Variants in ASXL3 observed in about 807,000 individuals in gnomAD.
The protein encoded by ASXL3 is ASXL transcriptional regulator 3.
In ASXL3, 34 loss-of-function variants were observed where a neutral mutation model predicts 170.6. The ratio of observed to expected loss-of-function variants is 0.20; its 90% CI spans 0.15 to 0.27. The LOEUF is 0.27. ASXL3 is among the 10% of genes least tolerant of loss of function. ASXL3 has a pLI of 1.00. For missense variants in ASXL3, 2,592 were observed against 2,695.3 expected, an observed-to-expected ratio of 0.96 and a Z score of 0.85; for synonymous variants, 1,002 against 989.1, an observed-to-expected ratio of 1.01 and a Z score of -0.24.
intron 8 of ASXL3, among the ~76,000 whole-genome samples, chr18:33,694,385 G>A (rs2066738543): frequency 6.6e-6 from 1 of 152,214 alleles, no homozygotes; most frequent in Admixed American, 6.5e-5. Context: ...GCAGCTGGTG[G>A]AATAAATGTC....
intron 8 of ASXL3, among the ~76,000 whole-genome samples, chr18:33,695,330 A>G (rs914808533): frequency 2.6e-5 from 4 of 152,124 alleles, no homozygotes; most frequent in African/African-American, 4.8e-5. Flanking sequence ...TAGAAGATCC[A>G]TTATTTCTTC....
At chr18:33,708,828 G>A (rs149123048) in intron 8 of ASXL3, among the ~76,000 whole-genome samples, 1 of 152,176 alleles carries the variant, frequency 6.6e-6, no homozygotes, top group African/African-American at 2.4e-5. Context: ...TTTTCATGTG[G>A]TTATATATAA....
chr18:33,605,430 T>G (rs540278313), intron 1 of ASXL3: 1 of 152,182 alleles, frequency 6.6e-6, no homozygotes, highest in Non-Finnish European at 1.5e-5. Flanking sequence ...TTCTCTGTCT[T>G]GCAGGAATTG....
chr18:33,695,207 A>T (rs2066753323), intron 8 of ASXL3, among the ~76,000 whole-genome samples: 1 of 152,176 alleles, frequency 6.6e-6, no homozygotes, highest in African/African-American at 2.4e-5. Context: ...TATGAAAAAT[A>T]CTAGTATCTT....
chr18:33,712,789 G>C (rs2067089922), intron 8 of ASXL3, among the ~76,000 whole-genome samples: 1 of 152,196 alleles, frequency 6.6e-6, no homozygotes, highest in Non-Finnish European at 1.5e-5. Context: ...CTATGTTGCT[G>C]TAAGAAAGAG....
At position 33,744,458 on chromosome 18, in the gene ASXL3, CCACTTT is replaced by C. The variant is rs2067731309; in HGVS notation, c.4613_4618del (p.Thr1538_Phe1539del). The C allele has an allele frequency of 6.2e-7, 1 of 1,613,406 alleles. No individual in the cohort carries two copies. The highest frequency in any genetic ancestry group is 1.3e-5 in the African/African-American group (1 of 74,936). On this transcript the variant is annotated inframe_deletion, in exon 12 of 12. Coordinates refer to ENST00000269197, the MANE Select transcript of ASXL3 (RefSeq NM_030632.3). ...GCCAACGAAGGTATAGATCACAGTT[CCACTTT>C]CATTGCTGCTTCGGCAGCAAAACAA...
At position 33,668,424 on chromosome 18, in the gene ASXL3, T is replaced by C. The variant is rs1178885897; in HGVS notation, c.478-2249T>C. Reference sequence around the variant, plus strand: ...GCCTGGGCATCAGAGCGAGACTCCATCTCAAAAAAAAAAAAAAAATAGGAA... The same window carrying C: ...GCCTGGGCATCAGAGCGAGACTCCACCTCAAAAAAAAAAAAAAAATAGGAA... On this transcript the variant is annotated intron_variant, in intron 5 of 11. Transcript: ENST00000269197. 2.9e-5 allele frequency among the ~76,000 whole-genome samples: 3 copies of C among 104,374 alleles called. No individual in the cohort carries two copies. The South Asian group carries it at 9.9e-4, about 35-fold the overall frequency. The allele number at this position is 104,374 out of a possible 152,430, so 68.5% of individuals were successfully genotyped here. A position where few individuals can be genotyped will look rare whatever the true frequency, so the allele number is the denominator to read the frequency against.
At chr18:33,606,380 A>G (rs1190007671) in intron 1 of ASXL3, among the ~76,000 whole-genome samples, 2 of 152,044 alleles carry the variant, frequency 1.3e-5, no homozygotes, top group African/African-American at 4.8e-5. Context: ...AAAAGGAGGA[A>G]ATTTCCTGGG....
chr18:33,733,026 T>C (rs570529467), intron 9 of ASXL3, among the ~76,000 whole-genome samples: 5 of 152,326 alleles, frequency 3.3e-5, no homozygotes, highest in Non-Finnish European at 7.3e-5. Context: ...TTTCTTGGGC[T>C]ACGTTTCTGC....
chr18:33,697,552 T>A (rs1436745428), intron 8 of ASXL3, among the ~76,000 whole-genome samples: 1 of 152,100 alleles, frequency 6.6e-6, no homozygotes, highest in Non-Finnish European at 1.5e-5. Context: ...CAGTTTATAG[T>A]GAAGTCTTCC....
At chr18:33,691,427 C>T (rs1248611908) in intron 8 of ASXL3, among the ~76,000 whole-genome samples, 2 of 152,198 alleles carry the variant, frequency 1.3e-5, no homozygotes, top group African/African-American at 4.8e-5. Context: ...GCTGTTGTGG[C>T]TGCTAAGACT....
chr18:33,671,635 G>A, intron 6 of ASXL3, 112 bp from the exon 7 acceptor site: 4 of 914,722 alleles, frequency 4.4e-6, no homozygotes, highest in South Asian at 4.2e-5. Flanking sequence ...CAAAGGTAGT[G>A]TATTAACTCT....
At chr18:33,691,284 A>G (rs972243935) in intron 8 of ASXL3, among the ~76,000 whole-genome samples, 1 of 151,566 alleles carries the variant, frequency 6.6e-6, no homozygotes. Flanking sequence ...GCGTCCCTTC[A>G]CACTTCAGGT....
intron 8 of ASXL3, among the ~76,000 whole-genome samples, chr18:33,712,705 A>G (rs965867556): frequency 2.0e-5 from 3 of 152,168 alleles, no homozygotes; most frequent in African/African-American, 2.4e-5. Context: ...TTTTGCATGT[A>G]TGTATGTCTA....
intron 8 of ASXL3, among the ~76,000 whole-genome samples, chr18:33,719,886 ATAAGCTGCCCAG>A (rs2067230699): frequency 6.6e-6 from 1 of 152,062 alleles, no homozygotes; most frequent in Non-Finnish European, 1.5e-5. Context: ...TTTGTTGTTT[ATAAGCTGCCCAG>A]TCTATGGTAC....
chr18:33,612,449 AT>A (rs1423532705), intron 2 of ASXL3, among the ~76,000 whole-genome samples: 1 of 152,124 alleles, frequency 6.6e-6, no homozygotes, highest in African/African-American at 2.4e-5. Flanking sequence ...AGATTTCATG[AT>A]GTAGAACATG....
intron 1 of ASXL3, among the ~76,000 whole-genome samples, chr18:33,579,259 G>A (rs1367106297): frequency 1.3e-5 from 2 of 152,216 alleles, no homozygotes; most frequent in East Asian, 1.9e-4. Context: ...ATACGTGCAT[G>A]TTTTGTGTGG....
In ASXL3 at chr18:33,737,037, G is replaced by A. The variant is rs115509453; in HGVS notation, c.1083-1450G>A. ...CTGCTTGACCTAGTCCCAAGGAACCGTATTTCTTGCAGATTATTCTGCTTT... is the reference window on the plus strand; with the variant it reads ...CTGCTTGACCTAGTCCCAAGGAACCATATTTCTTGCAGATTATTCTGCTTT... On this transcript the variant is annotated intron_variant, in intron 10 of 11. Transcript: ENST00000269197. 9.4e-3 allele frequency among the ~76,000 whole-genome samples: 1,426 copies of A among 152,104 alleles called. 16 individuals carry two copies. The highest frequency in any genetic ancestry group is 0.032 in the African/African-American group (1,311 of 41,514).
chr18:33,738,069 A>G (rs190517079), intron 10 of ASXL3, among the ~76,000 whole-genome samples: 1 of 152,278 alleles, frequency 6.6e-6, no homozygotes, highest in Admixed American at 6.5e-5. Context: ...ATAAAAATCT[A>G]GACTGTTCTT....
Sources: gnomAD v4.1 joint callset for allele counts (sites outside exome capture counted in the v4.1 genomes callset) on GRCh38, gnomAD v4.1.1 for gene constraint, MANE v1.5 for transcripts, NCBI Gene and HGNC (gene_info 2026-07-23, HGNC 2026-07-21) for gene names.